LCLAT1: variants seen among roughly 807,000 people sequenced by gnomAD.
The protein encoded by LCLAT1 is lysocardiolipin acyltransferase 1, also known as 1-AGP acyltransferase 8.
Under a neutral mutation model 30.7 loss-of-function variants are expected in LCLAT1, and 11 were observed. That is an observed-to-expected ratio of 0.36 (90% confidence interval 0.23 to 0.59). LCLAT1 has a LOEUF of 0.59. Among genes scored for constraint, LCLAT1 ranks in the 20% least tolerant of loss-of-function variants. The pLI, the probability that LCLAT1 is intolerant of heterozygous loss-of-function variation, is 0.77. For missense variants in LCLAT1, 402 were observed against 458.6 expected (o/e 0.88, Z 1.13); for synonymous variants, 155 against 151.3 (o/e 1.02, Z -0.18).
chr2:30,467,103 C>G (rs568693895), intron 1 of LCLAT1, among the ~76,000 whole-genome samples: 4 of 152,120 alleles, frequency 2.6e-5, no homozygotes, highest in Admixed American at 2.0e-4. Flanking sequence ...CCCGACCCCA[C>G]GACAGGCCCC....
At chr2:30,510,079 C>G (rs1684865590) in intron 1 of LCLAT1, among the ~76,000 whole-genome samples, 1 of 152,130 alleles carries the variant, frequency 6.6e-6, no homozygotes, top group Non-Finnish European at 1.5e-5. Context: ...GAGAGTCTTC[C>G]TTTTGTGCCA....
intron 3 of LCLAT1, among the ~76,000 whole-genome samples, chr2:30,545,871 G>A (rs749598386): frequency 7.2e-5 from 11 of 152,140 alleles, no homozygotes; most frequent in Non-Finnish European, 1.3e-4. Context: ...ACTGTAGAGT[G>A]AGAAAAGAGT....
At chr2:30,560,106 G>C (rs566962788) in intron 3 of LCLAT1, among the ~76,000 whole-genome samples, 9 of 152,254 alleles carry the variant, frequency 5.9e-5, no homozygotes, top group Non-Finnish European at 1.0e-4. Context: ...AGATGTGTGG[G>C]AGCGGGCAGT....
chr2:30,501,080 G>GTGTGTGTA (rs1167091574), intron 1 of LCLAT1, among the ~76,000 whole-genome samples: 3,469 of 77,014 alleles, frequency 0.045, 103 homozygotes, highest in African/African-American at 0.19. Context: ...TTTGTTCTGT[G>GTGTGTGTA]TGTGTGTGTG....
At chr2:30,518,870 T>G (rs1310205227) in intron 1 of LCLAT1, among the ~76,000 whole-genome samples, 1 of 152,230 alleles carries the variant, frequency 6.6e-6, no homozygotes, top group Non-Finnish European at 1.5e-5. Flanking sequence ...CCCCCATCTA[T>G]TTGGCCAGGC....
chr2:30,525,645 T>A lies in LCLAT1; in HGVS notation c.55T>A (p.Phe19Ile), dbSNP rs758800798. The change falls in exon 2 of 6, where the codon TTT (phenylalanine) becomes ATT (isoleucine). Residue 19 changes from phenylalanine to isoleucine, a missense_variant. Phe to Ile is a conservative substitution (Grantham distance 21). Transcript: ENST00000379509. ...ACTGACTCTGTTTTGGGGAAGCTTTTTTGGAAGCATTTTCATGCTGAGTCC... is the reference window on the plus strand; with the variant it reads ...ACTGACTCTGTTTTGGGGAAGCTTTATTGGAAGCATTTTCATGCTGAGTCC... Reference protein sequence around the residue: ...FILTLFWGSFFGSIFMLSPFL... With the variant: ...FILTLFWGSFIGSIFMLSPFL... 69 of 1,614,032 alleles carry A rather than the reference T, an allele frequency of 4.3e-5. No individual in the cohort carries two copies. The highest frequency in any genetic ancestry group is 5.8e-5 in the Non-Finnish European group (68 of 1,179,966).
intron 1 of LCLAT1, among the ~76,000 whole-genome samples, chr2:30,473,626 G>A (rs1397432481): frequency 1.3e-5 from 2 of 152,134 alleles, no homozygotes; most frequent in Non-Finnish European, 2.9e-5. Flanking sequence ...ACATGGATGC[G>A]TTCTATGGAG....
At chr2:30,629,472 A>G (rs1031861341) in intron 5 of LCLAT1, among the ~76,000 whole-genome samples, 1 of 152,198 alleles carries the variant, frequency 6.6e-6, no homozygotes, top group Admixed American at 6.5e-5. Context: ...AGGCAGGAGA[A>G]TCGCTTGAAC....
At chr2:30,495,138 C>T (rs1363011341) in intron 1 of LCLAT1, among the ~76,000 whole-genome samples, 2 of 152,050 alleles carry the variant, frequency 1.3e-5, no homozygotes, top group African/African-American at 4.8e-5. Flanking sequence ...ACATTTTAGG[C>T]AGTAAGATGT....
chr2:30,548,743 T>C (rs964364401), intron 3 of LCLAT1, among the ~76,000 whole-genome samples: 1 of 152,202 alleles, frequency 6.6e-6, no homozygotes, highest in Non-Finnish European at 1.5e-5. Flanking sequence ...CAAAAAACTT[T>C]ACAAGGCAAT....
chr2:30,552,253 C>T (rs955846667), intron 3 of LCLAT1, among the ~76,000 whole-genome samples: 2 of 152,104 alleles, frequency 1.3e-5, no homozygotes, highest in African/African-American at 4.8e-5. Flanking sequence ...TTAACATGAA[C>T]CCCAAAATTG....
chr2:30,560,739 G>A (rs938266885), intron 3 of LCLAT1, among the ~76,000 whole-genome samples: 2 of 152,140 alleles, frequency 1.3e-5, no homozygotes, highest in African/African-American at 2.4e-5. Context: ...TCTTAGTTAC[G>A]TTCTTTGTTT....
chr2:30,620,969 G>A (rs936736288), intron 5 of LCLAT1, among the ~76,000 whole-genome samples: 1 of 152,064 alleles, frequency 6.6e-6, no homozygotes, highest in African/African-American at 2.4e-5. Context: ...ATTTCTATAT[G>A]TAAAGGCTTT....
chr2:30,499,623 G>A lies in LCLAT1; in HGVS notation c.-4-25964G>A, dbSNP rs1572531264. On this transcript the variant is annotated intron_variant, in intron 1 of 5. Transcript: ENST00000379509. ...CTCTGAATTTCTGTGATATGTGATT[G>A]TATAGGCAATGTGGCTTTTAGATTT... is the stretch of plus-strand genomic sequence containing the variant. Among the ~76,000 whole-genome samples, 3 of 152,180 alleles carry A rather than the reference G, an allele frequency of 2.0e-5. No homozygotes were observed. In the East Asian group the frequency reaches 5.8e-4, roughly 29 times the overall value.
intron 3 of LCLAT1, among the ~76,000 whole-genome samples, chr2:30,559,922 C>A (rs559187935): frequency 6.6e-6 from 1 of 152,318 alleles, no homozygotes; most frequent in African/African-American, 2.4e-5. Flanking sequence ...ACACTCTGTG[C>A]TAAATAATCT....
chr2:30,561,557 C>T (rs931622433), intron 3 of LCLAT1, among the ~76,000 whole-genome samples: 1 of 152,094 alleles, frequency 6.6e-6, no homozygotes, highest in Non-Finnish European at 1.5e-5. Flanking sequence ...GTGATTTGCC[C>T]TAGAGAAAAG....
At chr2:30,499,779 A>G (rs1028230802) in intron 1 of LCLAT1, among the ~76,000 whole-genome samples, 3 of 152,224 alleles carry the variant, frequency 2.0e-5, no homozygotes, top group Non-Finnish European at 4.4e-5. Context: ...TGCAAGTACC[A>G]ATTGCCTTTC....
chr2:30,523,859 G>A (rs775419181), intron 1 of LCLAT1, among the ~76,000 whole-genome samples: 29 of 152,076 alleles, frequency 1.9e-4, no homozygotes, highest in Non-Finnish European at 4.0e-4. Flanking sequence ...AGAGTGAGAC[G>A]CAATCTCAAA....
chr2:30,602,337 A>C (rs902591200), intron 5 of LCLAT1, among the ~76,000 whole-genome samples: 1 of 152,074 alleles, frequency 6.6e-6, no homozygotes, highest in African/African-American at 2.4e-5. Context: ...GTTATAGTTC[A>C]CTCCTTCTGC....
Sources: gnomAD v4.1 joint callset for allele counts (sites outside exome capture counted in the v4.1 genomes callset) on GRCh38, gnomAD v4.1.1 for gene constraint, MANE v1.5 for transcripts, NCBI Gene and HGNC (gene_info 2026-07-23, HGNC 2026-07-21) for gene names.